The following SOX5 variants were observed in gnomAD, a reference collection of about 807,000 sequenced individuals.
The protein encoded by SOX5 is SRY-box transcription factor 5.
A neutral mutation model predicts 92.0 loss-of-function variants in SOX5; 9 were observed. The ratio of observed to expected loss-of-function variants is 0.10; its 90% confidence interval spans 0.06 to 0.17. SOX5 has a LOEUF of 0.17. Ranked by LOEUF, SOX5 falls within the 10% of genes least tolerant of loss-of-function variation. The probability of loss-of-function intolerance (pLI) is 1.00; values close to 1 mark genes in which losing one functional copy is unlikely to be tolerated. For missense variants in SOX5, 642 were observed against 944.5 expected (o/e 0.68, Z 4.20); for synonymous variants, 344 against 336.3 (o/e 1.02, Z -0.25).
chr12:23,617,638 A>T (rs997121995), intron 8 of SOX5, among the ~76,000 whole-genome samples: 19 of 152,272 alleles, frequency 1.2e-4, no homozygotes, highest in African/African-American at 3.1e-4. Context: ...ACTTACTTAA[A>T]TCTTAAGACC....
chr12:24,501,845 A>G (rs527796070), intron 1 of SOX5, among the ~76,000 whole-genome samples: 306 of 152,314 alleles, frequency 2.0e-3, no homozygotes, highest in African/African-American at 7.1e-3. Context: ...AAACAAATAA[A>G]CAAATTTCCT....
intron 4 of SOX5, among the ~76,000 whole-genome samples, chr12:24,125,241 C>T (rs897438530): frequency 6.6e-6 from 1 of 152,140 alleles, no homozygotes; most frequent in African/African-American, 2.4e-5. Flanking sequence ...AGACATAAAA[C>T]ATAGATCTCA....
At chr12:23,975,489 G>A (rs1288856663) in intron 4 of SOX5, among the ~76,000 whole-genome samples, 1 of 152,032 alleles carries the variant, frequency 6.6e-6, no homozygotes, top group African/African-American at 2.4e-5. Flanking sequence ...TTTTATCTTT[G>A]TTAGGGTCAT....
At chr12:23,546,597 G>A (rs1375790764) in intron 11 of SOX5, among the ~76,000 whole-genome samples, 173 bp from the exon 12 acceptor site, 5 of 152,118 alleles carry the variant, frequency 3.3e-5, no homozygotes, top group Admixed American at 6.6e-5. Flanking sequence ...TGATCAGCAC[G>A]ATTTTTGAAG....
At chr12:24,231,483 AG>A (rs1166897847) in intron 3 of SOX5, among the ~76,000 whole-genome samples, 1 of 152,218 alleles carries the variant, frequency 6.6e-6, no homozygotes, top group Non-Finnish European at 1.5e-5. Flanking sequence ...TACAATCAAA[AG>A]GAAGTATAGG....
intron 3 of SOX5, among the ~76,000 whole-genome samples, chr12:24,215,399 T>A (rs913350069): frequency 2.6e-5 from 4 of 152,122 alleles, no homozygotes; most frequent in Admixed American, 2.6e-4. Flanking sequence ...ACAAGTTCAG[T>A]AAGGTTGCAG....
rs762705034 is a variant in SOX5 at position 23,536,674 on chromosome 12, G to A, written c.1772-5C>T. On this transcript the variant is annotated splice_polypyrimidine_tract_variant and splice_region_variant and intron_variant, in intron 13 of 14. Transcript: ENST00000451604. ...TCATAGCTTTCCAGCGAGATCCTAT[G>A]AAGAAAGGAGGTTAGGATTCCAATT... The A allele has an allele frequency of 1.9e-6, 3 of 1,608,446 alleles. No homozygotes were observed. Among genetic ancestry groups the A allele is most frequent in the Admixed American group, 3.3e-5 (2 of 60,022 alleles).
At chr12:23,984,004 T>A (rs945770488) in intron 4 of SOX5, among the ~76,000 whole-genome samples, 1 of 152,170 alleles carries the variant, frequency 6.6e-6, no homozygotes, top group African/African-American at 2.4e-5. Flanking sequence ...TTCTACATTA[T>A]TTTCCAGCTC....
At chr12:23,567,848 T>A (rs1947412252) in intron 10 of SOX5, among the ~76,000 whole-genome samples, 1 of 152,142 alleles carries the variant, frequency 6.6e-6, no homozygotes, top group African/African-American at 2.4e-5. Flanking sequence ...AAAGTCTCCT[T>A]ATATATTTTT....
chr12:23,956,301 G>C (rs1946270965), intron 4 of SOX5, among the ~76,000 whole-genome samples: 1 of 152,138 alleles, frequency 6.6e-6, no homozygotes, highest in African/African-American at 2.4e-5. Flanking sequence ...TGTGCTCTAA[G>C]GCAGGGATCT....
At chr12:23,727,763 G>C (rs1192959085) in intron 6 of SOX5, among the ~76,000 whole-genome samples, 2 of 152,140 alleles carry the variant, frequency 1.3e-5, no homozygotes, top group Non-Finnish European at 2.9e-5. Context: ...TTTTGATAGA[G>C]AAGTAAATAC....
intron 3 of SOX5, among the ~76,000 whole-genome samples, chr12:24,271,266 C>T (rs1943699359): frequency 1.3e-5 from 2 of 152,154 alleles, no homozygotes; most frequent in African/African-American, 4.8e-5. Context: ...CTGGCTACTA[C>T]TGAGACTAAG....
intron 1 of SOX5, among the ~76,000 whole-genome samples, chr12:24,421,833 A>G (rs908256139): frequency 4.6e-5 from 7 of 152,226 alleles, no homozygotes; most frequent in Non-Finnish European, 1.0e-4. Flanking sequence ...GAGTTGAAGA[A>G]CAGACTGATT....
chr12:24,119,509 G>A (rs1593331056), intron 4 of SOX5, among the ~76,000 whole-genome samples: 1 of 152,004 alleles, frequency 6.6e-6, no homozygotes, highest in Non-Finnish European at 1.5e-5. Flanking sequence ...ACGTAATTAT[G>A]TAAAGCCATA....
chr12:23,545,558 TAG>T (rs1942964040), intron 12 of SOX5, among the ~76,000 whole-genome samples: 1 of 152,086 alleles, frequency 6.6e-6, no homozygotes, highest in African/African-American at 2.4e-5. Context: ...AGTTAGGTTA[TAG>T]AGAGTGGGCC....
intron 3 of SOX5, among the ~76,000 whole-genome samples, chr12:23,775,007 G>A (rs1274982335): frequency 1.3e-5 from 2 of 151,968 alleles, no homozygotes; most frequent in South Asian, 2.1e-4. Context: ...TTGCCTTAAA[G>A]CAGACTCTGC....
At chr12:24,455,888 T>C (rs1942961408) in intron 1 of SOX5, among the ~76,000 whole-genome samples, 2 of 151,836 alleles carry the variant, frequency 1.3e-5, no homozygotes. Context: ...CGTCTAGGAG[T>C]AGAGAGGCCC....
intron 2 of SOX5, among the ~76,000 whole-genome samples, chr12:23,894,985 A>G (rs2097162964): frequency 6.6e-6 from 1 of 152,102 alleles, no homozygotes; most frequent in Non-Finnish European, 1.5e-5. Flanking sequence ...TAAGTGCCCC[A>G]CTACCTTCTT....
At chr12:23,866,345 G>C (rs2096813684) in intron 2 of SOX5, among the ~76,000 whole-genome samples, 1 of 152,156 alleles carries the variant, frequency 6.6e-6, no homozygotes, top group African/African-American at 2.4e-5. Flanking sequence ...TAACTAAAGA[G>C]TTTTAAAGTA....
Sources: gnomAD v4.1 joint callset for allele counts (sites outside exome capture counted in the v4.1 genomes callset) on GRCh38, gnomAD v4.1.1 for gene constraint, MANE v1.5 for transcripts, NCBI Gene and HGNC (gene_info 2026-07-23, HGNC 2026-07-21) for gene names.